Variants in FOXJ3 observed in about 807,000 individuals in gnomAD.
FOXJ3 encodes forkhead box J3, also known as forkhead box protein J3.
FOXJ3 carries 22 observed loss-of-function variants against 76.1 expected under a neutral mutation model. The ratio of observed to expected loss-of-function variants is 0.29; its 90% CI spans 0.21 to 0.41. FOXJ3 has a LOEUF of 0.41. FOXJ3 is among the 10% of genes least tolerant of loss of function. FOXJ3 has a pLI of 1.00. For missense variants in FOXJ3, 613 were observed against 762.1 expected, an observed-to-expected ratio of 0.80 and a Z score of 2.30; for synonymous variants, 269 against 261.2, an observed-to-expected ratio of 1.03 and a Z score of -0.29.
chr1:42,303,979 A>G (rs1338560914), intron 2 of FOXJ3, among the ~76,000 whole-genome samples: 1 of 152,180 alleles, frequency 6.6e-6, no homozygotes, highest in Non-Finnish European at 1.5e-5. Flanking sequence ...GAAGAGGTCC[A>G]AATTATCCTT....
At chr1:42,287,983 A>G (rs1448340346) in intron 2 of FOXJ3, among the ~76,000 whole-genome samples, 1 of 152,142 alleles carries the variant, frequency 6.6e-6, no homozygotes, top group Admixed American at 6.5e-5. Context: ...TAAAATAAAA[A>G]TAGAACTCCA....
intron 4 of FOXJ3, among the ~76,000 whole-genome samples, chr1:42,230,991 T>C (rs1320567022): frequency 2.6e-5 from 4 of 151,934 alleles, no homozygotes; most frequent in Non-Finnish European, 5.9e-5. Flanking sequence ...GCCACATACA[T>C]ACAATGGAGT....
At chr1:42,192,703 C>T (rs1331199520) in intron 8 of FOXJ3, among the ~76,000 whole-genome samples, 3 of 151,598 alleles carry the variant, frequency 2.0e-5, no homozygotes, top group African/African-American at 7.3e-5. Flanking sequence ...ATTTTCAAAT[C>T]CTAAAGGGTA....
intron 2 of FOXJ3, among the ~76,000 whole-genome samples, chr1:42,295,607 C>A (rs936060727): frequency 6.8e-6 from 1 of 147,062 alleles, no homozygotes; most frequent in Non-Finnish European, 1.5e-5. Context: ...TGGCTCACTG[C>A]AACCTCTGCC....
chr1:42,286,361 T>C (rs1411026256), intron 2 of FOXJ3, among the ~76,000 whole-genome samples: 1 of 152,158 alleles, frequency 6.6e-6, no homozygotes, highest in Non-Finnish European at 1.5e-5. Context: ...GGCTTTGTGA[T>C]TAAGAATAGA....
chr1:42,182,007 A>T lies in FOXJ3; in HGVS notation c.1663T>A (p.Ser555Thr), dbSNP rs776127741. The change falls in exon 12 of 13, where the codon TCT becomes ACT. Residue 555 changes from serine (S) to threonine (T), a missense_variant. Around this residue, in one of 3 missense-constraint regions of FOXJ3, gnomAD observed 526 missense variants for 601.4 expected, o/e 0.87. Coordinates refer to ENST00000361346, the MANE Select transcript of FOXJ3 (RefSeq NM_014947.5). ...ACTGAAGGAGGGAGATTTTGCCTAG[A>T]ATCTATGTACAAATTTCCTAATCAG... ...HIGTGNLYID[S>T]RQNLPPSVMP... is the part of the protein sequence containing the mutation. 5 of 1,610,248 alleles carry T rather than the reference A, an allele frequency of 3.1e-6. No individual in the cohort carries two copies. The highest frequency in any genetic ancestry group is 3.4e-6 in the Non-Finnish European group (4 of 1,177,148).
At chr1:42,222,272 C>T (rs1647242095) in intron 5 of FOXJ3, among the ~76,000 whole-genome samples, 1 of 151,800 alleles carries the variant, frequency 6.6e-6, no homozygotes, top group Non-Finnish European at 1.5e-5. Flanking sequence ...ATCAGGCCTC[C>T]AATTAACGTC....
At chr1:42,285,997 T>C (rs915926352) in intron 2 of FOXJ3, among the ~76,000 whole-genome samples, 1 of 152,164 alleles carries the variant, frequency 6.6e-6, no homozygotes, top group Non-Finnish European at 1.5e-5. Flanking sequence ...TTTTCCGATA[T>C]AGTAAATGGT....
At chr1:42,315,798 C>T (rs1655073450) in intron 1 of FOXJ3, among the ~76,000 whole-genome samples, 1 of 152,236 alleles carries the variant, frequency 6.6e-6, no homozygotes, top group African/African-American at 2.4e-5. Flanking sequence ...ACTATATTAA[C>T]TCATTCAGTT....
intron 4 of FOXJ3, among the ~76,000 whole-genome samples, chr1:42,234,445 A>G (rs1023135847): frequency 1.1e-4 from 17 of 151,852 alleles, no homozygotes; most frequent in Non-Finnish European, 2.5e-4. Context: ...GCTGGTGAGG[A>G]GCTGTGTTCC....
chr1:42,225,085 A>C (rs1647445339), intron 5 of FOXJ3, among the ~76,000 whole-genome samples: 1 of 152,132 alleles, frequency 6.6e-6, no homozygotes, highest in South Asian at 2.1e-4. Context: ...CCCCTCAAAA[A>C]AAAAAAAGGA....
chr1:42,191,687 G>A lies in FOXJ3; in HGVS notation c.967C>T (p.Gln323Ter). 6.2e-7 allele frequency: 1 copy of A among 1,613,664 alleles called. No individual in the cohort carries two copies. The highest frequency in any genetic ancestry group is 8.5e-7 in the Non-Finnish European group (1 of 1,179,606). The change falls in exon 9 of 13, where the codon CAG becomes TAG. Residue 323 changes from glutamine to a stop codon, truncating the protein, a stop_gained. Coordinates refer to ENST00000361346, the MANE Select transcript of FOXJ3 (RefSeq NM_014947.5). LOFTEE classifies it high-confidence loss of function. Reference sequence around the variant, plus strand: ...TGATAGGTACATGAAGTGTGGGACTGCTGGGAAGATTCAGAAGGGATGTTC... The same window carrying A: ...TGATAGGTACATGAAGTGTGGGACTACTGGGAAGATTCAGAAGGGATGTTC... Reference protein sequence around the residue: ...LMNIPSESSQQSHTSCTYQHS... With the variant: ...LMNIPSESSQ
chr1:42,240,522 A>G (rs962239685), intron 4 of FOXJ3, among the ~76,000 whole-genome samples: 1 of 152,228 alleles, frequency 6.6e-6, no homozygotes, highest in African/African-American at 2.4e-5. Context: ...ATACAGATCA[A>G]TGGAACTGAT....
intron 2 of FOXJ3, among the ~76,000 whole-genome samples, chr1:42,310,592 T>C (rs1447467585): frequency 6.6e-6 from 1 of 151,264 alleles, no homozygotes; most frequent in Non-Finnish European, 1.5e-5. Context: ...GGATTACAGG[T>C]GTGAGCCACC....
intron 7 of FOXJ3, among the ~76,000 whole-genome samples, chr1:42,198,852 A>T (rs1646703896): frequency 1.3e-5 from 2 of 152,194 alleles, no homozygotes; most frequent in South Asian, 2.1e-4. Context: ...TTTCTCTTGG[A>T]CACAGGACAG....
intron 8 of FOXJ3, among the ~76,000 whole-genome samples, chr1:42,192,060 T>C (rs1338717552): frequency 6.6e-6 from 1 of 152,184 alleles, no homozygotes; most frequent in East Asian, 1.9e-4. Context: ...GTGCCTGAAC[T>C]GAGTCTTGAA....
chr1:42,222,109 A>AAAT (rs1647233574), intron 5 of FOXJ3, among the ~76,000 whole-genome samples: 2 of 147,722 alleles, frequency 1.4e-5, no homozygotes, highest in African/African-American at 2.5e-5. Flanking sequence ...GAAGAAGAAG[A>AAAT]AATAAAAAGT....
At chr1:42,232,705 G>C (rs1313892342) in intron 4 of FOXJ3, among the ~76,000 whole-genome samples, 1 of 152,200 alleles carries the variant, frequency 6.6e-6, no homozygotes, top group Admixed American at 6.5e-5. Flanking sequence ...CCCTTTGTCA[G>C]ATGAGTAGAT....
rs1002902655 is a variant in FOXJ3 at position 42,335,138 on chromosome 1, A to C, written c.-97T>G. On this transcript the variant is annotated 5_prime_UTR_variant, in exon 1 of 13. Coordinates refer to ENST00000361346, the MANE Select transcript of FOXJ3 (RefSeq NM_014947.5). ...CTCCGCCCCCCCGGGAAAGGTCCCA[A>C]CGGTGCCTACTGCGAGCGGTCGAGG... 2 of 152,194 alleles carry C rather than the reference A, an allele frequency of 1.3e-5. No homozygotes were observed. Among genetic ancestry groups the C allele is most frequent in the Non-Finnish European group, 2.9e-5 (2 of 68,150 alleles). 9.4% of individuals were successfully genotyped at this position (152,194 alleles called of 1,614,324 possible). A position where few individuals can be genotyped will look rare whatever the true frequency, so the allele number is the denominator to read the frequency against.
Sources: gnomAD v4.1 joint callset for allele counts (sites outside exome capture counted in the v4.1 genomes callset) on GRCh38, gnomAD v4.1.1 for gene constraint, gnomAD v4.1.1 regional missense constraint, MANE v1.5 for transcripts, NCBI Gene and HGNC (gene_info 2026-07-23, HGNC 2026-07-21) for gene names.